Variants in CHRM2 observed in about 807,000 individuals in gnomAD.
The protein encoded by CHRM2 is muscarinic acetylcholine receptor M2.
In CHRM2, 8 loss-of-function variants were observed where a neutral mutation model predicts 25.0. The ratio of observed to expected loss-of-function variants is 0.32; its 90% CI spans 0.19 to 0.58. The LOEUF (loss-of-function observed/expected upper bound fraction) is 0.58, where lower values mean the gene tolerates loss of function less well. CHRM2 is among the 20% of genes least tolerant of loss of function. The pLI is 0.88. For synonymous variants in CHRM2, 202 were observed against 205.7 expected (o/e 0.98, Z 0.15); for missense variants, 440 against 567.1 (o/e 0.78, Z 2.28).
In CHRM2 at chr7:136,943,525, C is replaced by T. The variant is rs1026430231; in HGVS notation, c.-124-48662C>T. ...AGTTATATAATTATGTTAATTTATG[C>T]ATCTATGATACATGGTGTTCCTATT... On this transcript the variant is annotated intron_variant, in intron 2 of 3. Transcript: ENST00000680005. Among the ~76,000 whole-genome samples the T allele has an allele frequency of 2.8e-4, 43 of 152,132 alleles. 3 individuals carry two copies. Among genetic ancestry groups the T allele is most frequent in the Non-Finnish European group, 8.8e-5 (6 of 68,012 alleles).
At chr7:136,950,219 T>C (rs1800324153) in intron 2 of CHRM2, among the ~76,000 whole-genome samples, 1 of 152,324 alleles carries the variant, frequency 6.6e-6, no homozygotes, top group Non-Finnish European at 1.5e-5. Flanking sequence ...TTTATTAAGA[T>C]CATCTCATTA....
rs1470994649 is a variant in CHRM2 at position 137,016,228 on chromosome 7, C to G, written c.1363C>G (p.Leu455Val). The G allele has an allele frequency of 6.2e-7, 1 of 1,612,962 alleles. No homozygotes were observed. The highest frequency in any genetic ancestry group is 1.1e-5 in the South Asian group (1 of 91,052). ...CTTCAAGAAGACCTTTAAACACCTT[C>G]TCATGTGTCATTATAAGAACATAGG... is the stretch of plus-strand genomic sequence containing the variant. ...ATFKKTFKHL[L>V]MCHYKNIGAT... The change falls in exon 4 of 4, where the codon CTC becomes GTC. Residue 455 changes from leucine to valine, a missense_variant. By Grantham distance (32) the Leu-to-Val change is conservative. This residue lies in a region of CHRM2 where 65 missense variants were observed against 108.9 expected (regional missense o/e 0.60). Coordinates refer to ENST00000680005, the MANE Select transcript of CHRM2 (RefSeq NM_001006630.2).
intron 2 of CHRM2, among the ~76,000 whole-genome samples, chr7:136,980,382 T>C (rs1311629977): frequency 6.6e-6 from 1 of 152,218 alleles, no homozygotes; most frequent in Non-Finnish European, 1.5e-5. Context: ...AATCATGTCA[T>C]CTGCAAACAA....
intron 2 of CHRM2, among the ~76,000 whole-genome samples, chr7:136,916,868 G>C (rs905569024): frequency 5.9e-5 from 9 of 151,446 alleles, no homozygotes; most frequent in African/African-American, 2.2e-4. Flanking sequence ...CACTATGTGT[G>C]TGTGAATGAA....
intron 2 of CHRM2, among the ~76,000 whole-genome samples, chr7:136,894,154 G>C (rs1796798841): frequency 6.6e-6 from 1 of 152,038 alleles, no homozygotes; most frequent in South Asian, 2.1e-4. Context: ...AGATTGTAAA[G>C]TACTTTAGAA....
At chr7:136,965,587 T>A (rs1801364493) in intron 2 of CHRM2, among the ~76,000 whole-genome samples, 1 of 152,026 alleles carries the variant, frequency 6.6e-6, no homozygotes, top group Non-Finnish European at 1.5e-5. Flanking sequence ...ATAAATGGAA[T>A]GGTCTAGAAA....
At chr7:136,937,048 T>C (rs757968820) in intron 2 of CHRM2, among the ~76,000 whole-genome samples, 4 of 152,174 alleles carry the variant, frequency 2.6e-5, no homozygotes, top group Non-Finnish European at 4.4e-5. Context: ...TAGGAGTACA[T>C]TGTACTTCAT....
chr7:136,876,508 T>C (rs543910928), intron 2 of CHRM2, among the ~76,000 whole-genome samples: 30 of 152,286 alleles, frequency 2.0e-4, no homozygotes, highest in African/African-American at 7.2e-4. Context: ...TTTTATTGCA[T>C]AGTGTGCAAC....
chr7:137,007,874 C>T (rs1477129985), intron 3 of CHRM2, among the ~76,000 whole-genome samples: 2 of 152,098 alleles, frequency 1.3e-5, no homozygotes, highest in African/African-American at 2.4e-5. Context: ...AAATAAGTCT[C>T]TCCACAATTC....
At chr7:137,003,322 A>T (rs1804176651) in intron 3 of CHRM2, among the ~76,000 whole-genome samples, 1 of 152,150 alleles carries the variant, frequency 6.6e-6, no homozygotes, top group Non-Finnish European at 1.5e-5. Context: ...TTCTCCTTGT[A>T]CAGCATGTTG....
chr7:136,906,330 TG>T (rs1472815635), intron 2 of CHRM2, among the ~76,000 whole-genome samples: 2 of 150,900 alleles, frequency 1.3e-5, no homozygotes, highest in African/African-American at 4.9e-5. Context: ...CACATATACA[TG>T]GTTTGTATAT....
chr7:136,917,957 C>T (rs1040011209), intron 2 of CHRM2, among the ~76,000 whole-genome samples: 9 of 152,064 alleles, frequency 5.9e-5, no homozygotes, highest in African/African-American at 2.2e-4. Context: ...ATGGAGCAGA[C>T]ATGATCAACT....
intron 2 of CHRM2, among the ~76,000 whole-genome samples, chr7:136,913,004 C>T (rs1346228663): frequency 1.3e-5 from 2 of 151,636 alleles, no homozygotes; most frequent in African/African-American, 4.8e-5. Flanking sequence ...TTAATTTAGC[C>T]CATCACTATT....
intron 3 of CHRM2, among the ~76,000 whole-genome samples, chr7:136,998,992 G>A (rs1255078397): frequency 1.3e-5 from 2 of 152,122 alleles, no homozygotes; most frequent in Non-Finnish European, 2.9e-5. Context: ...TTTTAAAATT[G>A]TAGAAAAAAC....
At chr7:136,870,630 G>A (rs1795788502) in intron 2 of CHRM2, 1 of 152,600 alleles carries the variant, frequency 6.6e-6, no homozygotes, top group African/African-American at 2.4e-5. Context: ...TTGCATGTAC[G>A]GAAATACCAG....
chr7:136,910,995 GTCACT>G (rs1797814644), intron 2 of CHRM2, among the ~76,000 whole-genome samples: 1 of 151,620 alleles, frequency 6.6e-6, no homozygotes, highest in Non-Finnish European at 1.5e-5. Context: ...CATGTTTTTT[GTCACT>G]TACAGAGAAA....
Position 137,016,447 on chromosome 7 carries a change from A to T in CHRM2, c.*181A>T, listed in dbSNP as rs1051372284. On this transcript the variant is annotated 3_prime_UTR_variant, in exon 4 of 4. Coordinates refer to ENST00000680005, the MANE Select transcript of CHRM2 (RefSeq NM_001006630.2). ...CTAGGCTCCAGTTTGCAAAAATTGC[A>T]CCTTATAAACTGTCAGTATTAGGAG... The T allele has an allele frequency of 4.8e-6, 3 of 629,772 alleles. No homozygotes were observed. The highest frequency in any genetic ancestry group is 3.7e-5 in the African/African-American group (2 of 54,016). 39.0% of individuals were successfully genotyped at this position (629,772 alleles called of 1,614,324 possible).
chr7:136,876,647 T>G (rs1796063437), intron 2 of CHRM2, among the ~76,000 whole-genome samples: 1 of 152,012 alleles, frequency 6.6e-6, no homozygotes, highest in Non-Finnish European at 1.5e-5. Flanking sequence ...ACAATAAAAC[T>G]GAGGATCTAC....
chr7:136,891,353 A>G (rs73158705), intron 2 of CHRM2, among the ~76,000 whole-genome samples: 24,166 of 152,046 alleles, frequency 0.16, 2,297 homozygotes, highest in East Asian at 0.42. Flanking sequence ...AGTGACTTTG[A>G]CAGCTTTGAA....
Sources: allele counts gnomAD v4.1 joint callset (sites outside exome capture counted in the v4.1 genomes callset), GRCh38; gene constraint gnomAD v4.1.1; regional missense constraint gnomAD v4.1.1; transcripts MANE v1.5; gene names NCBI Gene and HGNC (gene_info 2026-07-23, HGNC 2026-07-21).